Variants in AFF3 observed in about 807,000 individuals in gnomAD.
AFF3 encodes AF4/FMR2 family member 3.
Under a neutral mutation model 129.7 loss-of-function variants are expected in AFF3, and 32 were observed. The ratio of observed to expected loss-of-function variants is 0.25; its 90% CI spans 0.19 to 0.33. The LOEUF is 0.33. AFF3 is among the 10% of genes least tolerant of loss of function. The probability of loss-of-function intolerance (pLI) is 1.00; values close to 1 mark genes in which losing one functional copy is unlikely to be tolerated. For missense variants in AFF3, 1,373 were observed against 1,592.0 expected, an observed-to-expected ratio of 0.86 and a Z score of 2.34; for synonymous variants, 644 against 635.4, an observed-to-expected ratio of 1.01 and a Z score of -0.20.
chr2:100,010,021 G>A (rs554291873), intron 4 of AFF3, among the ~76,000 whole-genome samples: 8 of 152,194 alleles, frequency 5.3e-5, no homozygotes, highest in African/African-American at 1.9e-4. Flanking sequence ...ACTCACCTGC[G>A]AAATGTGGTT....
intron 7 of AFF3, among the ~76,000 whole-genome samples, chr2:99,890,548 G>A (rs1194793717): frequency 1.3e-5 from 2 of 152,228 alleles, no homozygotes; most frequent in Non-Finnish European, 1.5e-5. Context: ...AATGCTCAGA[G>A]GTCAGAGTGG....
chr2:99,934,819 G>A (rs1269241523), intron 7 of AFF3, among the ~76,000 whole-genome samples: 4 of 152,158 alleles, frequency 2.6e-5, no homozygotes, highest in Non-Finnish European at 5.9e-5. Context: ...TCTTCCCAAG[G>A]AGAAAGTGAA....
At chr2:99,587,048 G>T in intron 16 of AFF3, 106 bp downstream of exon 16, 1 of 1,479,836 alleles carries the variant, frequency 6.8e-7, no homozygotes, top group South Asian at 1.3e-5. Flanking sequence ...TGCAGACCTT[G>T]ACCAGAGTAG....
chr2:99,601,383 CT>C, intron 14 of AFF3, 51 bp downstream of exon 14: 2 of 1,498,112 alleles, frequency 1.3e-6, no homozygotes, highest in Non-Finnish European at 8.9e-7. Flanking sequence ...ACTTGCTATC[CT>C]CATAGAGACA....
At chr2:99,993,839 C>T (rs1680589040) in intron 7 of AFF3, among the ~76,000 whole-genome samples, 1 of 80,242 alleles carries the variant, frequency 1.2e-5, no homozygotes, top group Non-Finnish European at 2.2e-5. Context: ...GAGTTTCAAT[C>T]TTGTTGCCCA....
chr2:99,732,584 T>C (rs1679924186), intron 10 of AFF3, among the ~76,000 whole-genome samples: 1 of 152,218 alleles, frequency 6.6e-6, no homozygotes, highest in Non-Finnish European at 1.5e-5. Context: ...TACAGTTTGT[T>C]CATCCTCACT....
At chr2:99,686,181 C>T (rs1200087238) in intron 11 of AFF3, among the ~76,000 whole-genome samples, 2 of 152,010 alleles carry the variant, frequency 1.3e-5, no homozygotes, top group African/African-American at 4.8e-5. Flanking sequence ...CACAGCGAGA[C>T]TCCATCTAAA....
chr2:99,765,683 T>C (rs1282640300), intron 8 of AFF3, among the ~76,000 whole-genome samples: 3 of 152,190 alleles, frequency 2.0e-5, no homozygotes, highest in Admixed American at 2.0e-4. Context: ...CCTTTATAAC[T>C]AGTGTTGACA....
intron 10 of AFF3, among the ~76,000 whole-genome samples, chr2:99,740,313 T>C (rs1206123379): frequency 3.3e-5 from 5 of 151,486 alleles, no homozygotes; most frequent in African/African-American, 1.2e-4. Context: ...TTTATAGTCC[T>C]TTGGGTATAT....
intron 4 of AFF3, among the ~76,000 whole-genome samples, chr2:100,055,829 C>A (rs984055015): frequency 3.9e-5 from 6 of 152,084 alleles, no homozygotes; most frequent in African/African-American, 1.4e-4. Context: ...GGCCATTTTG[C>A]CCCAGAAGCT....
chr2:99,898,931 T>C (rs79030877), intron 7 of AFF3, among the ~76,000 whole-genome samples: 3,342 of 152,258 alleles, frequency 0.022, 114 homozygotes, highest in African/African-American at 0.074. Context: ...CAGCCCAGTC[T>C]CCTTCCTGTT....
chr2:99,622,139 C>T (rs919968119), intron 13 of AFF3, among the ~76,000 whole-genome samples: 5 of 152,282 alleles, frequency 3.3e-5, no homozygotes, highest in African/African-American at 1.2e-4. Flanking sequence ...CCAGGGGTCT[C>T]CAGCCCCACT....
chr2:99,898,470 C>T (rs977266470), intron 7 of AFF3, among the ~76,000 whole-genome samples: 12 of 152,178 alleles, frequency 7.9e-5, no homozygotes, highest in African/African-American at 2.4e-4. Context: ...CCAAGCCCAT[C>T]GCCTAGGAGA....
At chr2:99,633,123 C>T (rs749972693) in intron 13 of AFF3, among the ~76,000 whole-genome samples, 3 of 152,080 alleles carry the variant, frequency 2.0e-5, no homozygotes, top group African/African-American at 2.4e-5. Flanking sequence ...GGCTTGACAA[C>T]AGTGCTGAGA....
At chr2:99,964,250 A>G (rs1457268994) in intron 7 of AFF3, among the ~76,000 whole-genome samples, 1 of 152,170 alleles carries the variant, frequency 6.6e-6, no homozygotes, top group African/African-American at 2.4e-5. Flanking sequence ...ATCACAATCA[A>G]CCAAGATATA....
chr2:99,742,866 T>C (rs3863005), intron 10 of AFF3, among the ~76,000 whole-genome samples: 111,901 of 152,168 alleles, frequency 0.74, 41,966 homozygotes, highest in East Asian at 0.92. Context: ...TTTGCTCTTC[T>C]GTCTGTCAAA....
intron 8 of AFF3, among the ~76,000 whole-genome samples, chr2:99,794,027 A>G (rs1402505790): frequency 6.6e-6 from 1 of 152,248 alleles, no homozygotes; most frequent in African/African-American, 2.4e-5. Context: ...ACATGGATTT[A>G]GAAATATGTT....
intron 11 of AFF3, among the ~76,000 whole-genome samples, chr2:99,702,830 T>G (rs1040778559): frequency 3.3e-5 from 5 of 152,190 alleles, no homozygotes; most frequent in Non-Finnish European, 5.9e-5. Flanking sequence ...GAATATGTGG[T>G]TTACAAATAG....
intron 4 of AFF3, among the ~76,000 whole-genome samples, chr2:100,009,991 G>A (rs1045116332): frequency 6.6e-6 from 1 of 152,162 alleles, no homozygotes; most frequent in Non-Finnish European, 1.5e-5. Flanking sequence ...GTGGGCAGAT[G>A]CTGAGCTGGG....
Sources: gnomAD v4.1 joint callset for allele counts (sites outside exome capture counted in the v4.1 genomes callset) on GRCh38, gnomAD v4.1.1 for gene constraint, MANE v1.5 for transcripts, NCBI Gene and HGNC (gene_info 2026-07-23, HGNC 2026-07-21) for gene names.